RNLS: variants seen among roughly 807,000 people sequenced by gnomAD.
RNLS encodes the protein renalase, FAD dependent amine oxidase.
A neutral mutation model predicts 39.8 loss-of-function variants in RNLS; 39 were observed. The observed-to-expected ratio is 0.98, with a 90% CI of 0.76 to 1.28. The LOEUF (loss-of-function observed/expected upper bound fraction) is 1.28, where lower values mean the gene tolerates loss of function less well. Among genes scored for constraint, RNLS ranks in the 50% most tolerant of loss-of-function variants. The pLI, the probability that RNLS is intolerant of heterozygous loss-of-function variation, is 0.00. For missense variants in RNLS, 410 were observed against 413.3 expected (o/e 0.99, Z 0.07); for synonymous variants, 147 against 150.7 (o/e 0.98, Z 0.18).
intron 3 of RNLS, among the ~76,000 whole-genome samples, chr10:88,575,996 G>A (rs1474974627): frequency 6.6e-6 from 1 of 152,046 alleles, no homozygotes; most frequent in Non-Finnish European, 1.5e-5. Flanking sequence ...CCACTGCATT[G>A]AACTCTCATC....
At chr10:88,362,202 C>CCAAA (rs1372001592) in intron 5 of RNLS, among the ~76,000 whole-genome samples, 4 of 151,816 alleles carry the variant, frequency 2.6e-5, no homozygotes, top group African/African-American at 4.8e-5. Flanking sequence ...AATACCCAAA[C>CCAAA]CAAACAAACA....
At chr10:88,407,711 A>G (rs1017703501) in intron 4 of RNLS, among the ~76,000 whole-genome samples, 3 of 152,060 alleles carry the variant, frequency 2.0e-5, no homozygotes, top group Non-Finnish European at 4.4e-5. Context: ...GGCCTAACCT[A>G]GGGAATCACA....
Position 88,517,578 on chromosome 10 carries a change from T to C in RNLS, c.526+55325A>G, listed in dbSNP as rs535630936. Among the ~76,000 whole-genome samples, 4 of 152,026 alleles carry C rather than the reference T, an allele frequency of 2.6e-5. No individual in the cohort carries two copies. The South Asian group carries it at 8.3e-4, about 31-fold the overall frequency. Reference sequence around the variant, plus strand: ...TTTTACATAAATACATAACGGTTGATAAATTTTAAAAAGTGACTTCCATGA... The same window carrying C: ...TTTTACATAAATACATAACGGTTGACAAATTTTAAAAAGTGACTTCCATGA... On this transcript the variant is annotated intron_variant, in intron 4 of 6. Coordinates refer to ENST00000331772, the MANE Select transcript of RNLS (RefSeq NM_001031709.3).
rs1486571571 is a variant in RNLS at position 88,396,525 on chromosome 10, T to C, written c.527-33800A>G. 2.0e-5 allele frequency among the ~76,000 whole-genome samples: 3 copies of C among 151,360 alleles called. No homozygotes were observed. In the East Asian group the frequency reaches 5.8e-4, roughly 29 times the overall value. On this transcript the variant is annotated intron_variant, in intron 4 of 6. Coordinates refer to ENST00000331772, the MANE Select transcript of RNLS (RefSeq NM_001031709.3). ...TGACAAGAAAATTAAAATGATACAC[T>C]AGAAGAATTCTACTTAATACCAAAG...
At chr10:88,500,033 C>T (rs1169588329) in intron 4 of RNLS, among the ~76,000 whole-genome samples, 3 of 152,132 alleles carry the variant, frequency 2.0e-5, no homozygotes, top group Non-Finnish European at 2.9e-5. Flanking sequence ...TGTAAGTAGC[C>T]TTTACAGTCA....
intron 4 of RNLS, among the ~76,000 whole-genome samples, chr10:88,545,786 G>C (rs1160856345): frequency 6.6e-6 from 1 of 152,110 alleles, no homozygotes; most frequent in Non-Finnish European, 1.5e-5. Flanking sequence ...TTTTTCATTG[G>C]TTTCTGCCAT....
chr10:88,308,178 G>C (rs1163778722), intron 6 of RNLS, among the ~76,000 whole-genome samples: 3 of 152,146 alleles, frequency 2.0e-5, no homozygotes, highest in Non-Finnish European at 4.4e-5. Context: ...AAACACCCTG[G>C]AAGACAACCT....
At chr10:88,465,048 A>G (rs1371148754) in intron 4 of RNLS, among the ~76,000 whole-genome samples, 1 of 152,118 alleles carries the variant, frequency 6.6e-6, no homozygotes, top group Non-Finnish European at 1.5e-5. Flanking sequence ...GGCAGTGCTC[A>G]CGATATAGGC....
At chr10:88,544,719 C>T (rs922799079) in intron 4 of RNLS, among the ~76,000 whole-genome samples, 1 of 152,006 alleles carries the variant, frequency 6.6e-6, no homozygotes, top group Non-Finnish European at 1.5e-5. Flanking sequence ...AATATGGGTA[C>T]CTGAATGGTA....
At chr10:88,229,191 A>G in the RNLS span, among the ~76,000 whole-genome samples, 1 of 152,258 alleles carries the variant, frequency 6.6e-6, no homozygotes, top group Non-Finnish European at 1.5e-5. Context: ...TGTATCTGTT[A>G]GAATACCTGG....
chr10:88,255,465 G>T, the RNLS span, among the ~76,000 whole-genome samples: 2 of 152,172 alleles, frequency 1.3e-5, no homozygotes, highest in Non-Finnish European at 2.9e-5. Flanking sequence ...GCACACACAG[G>T]CTGCCTTGGG....
intron 4 of RNLS, among the ~76,000 whole-genome samples, chr10:88,390,491 C>T (rs544402384): frequency 2.6e-5 from 4 of 152,254 alleles, no homozygotes; most frequent in South Asian, 4.1e-4. Flanking sequence ...ACTCAAACTT[C>T]CTGAAAGGTG....
the RNLS span, among the ~76,000 whole-genome samples, chr10:88,199,618 T>C: frequency 6.6e-6 from 1 of 152,278 alleles, no homozygotes; most frequent in East Asian, 1.9e-4. Flanking sequence ...TCAATGCCAG[T>C]GCAGGACGAA....
At chr10:88,293,586 A>C (rs2132900138) in intron 6 of RNLS, among the ~76,000 whole-genome samples, 1 of 152,286 alleles carries the variant, frequency 6.6e-6, no homozygotes, top group East Asian at 1.9e-4. Flanking sequence ...TCTTTTGTTT[A>C]AATTCTTGTA....
intron 4 of RNLS, among the ~76,000 whole-genome samples, chr10:88,489,006 T>A (rs191606581): frequency 6.6e-6 from 1 of 152,214 alleles, no homozygotes; most frequent in African/African-American, 2.4e-5. Flanking sequence ...TTATCTGTAA[T>A]AAGACACACT....
chr10:88,451,439 A>G (rs187523033), intron 4 of RNLS, among the ~76,000 whole-genome samples: 61 of 152,310 alleles, frequency 4.0e-4, no homozygotes, highest in Non-Finnish European at 7.4e-4. Flanking sequence ...AGGGACTGGA[A>G]CATAAGGAAC....
At chr10:88,449,543 A>G (rs1222652369) in intron 4 of RNLS, among the ~76,000 whole-genome samples, 3 of 152,228 alleles carry the variant, frequency 2.0e-5, no homozygotes, top group Non-Finnish European at 4.4e-5. Flanking sequence ...AATTTTTATT[A>G]ACTCATGAAC....
intron 5 of RNLS, among the ~76,000 whole-genome samples, chr10:88,322,789 T>G (rs1399978502): frequency 6.6e-6 from 1 of 152,108 alleles, no homozygotes; most frequent in South Asian, 2.1e-4. Context: ...GTCAGAGCAA[T>G]TAGGTGTGAA....
chr10:88,395,638 G>C (rs1214281822), intron 4 of RNLS, among the ~76,000 whole-genome samples: 1 of 151,860 alleles, frequency 6.6e-6, no homozygotes. Flanking sequence ...ATGCACAGTG[G>C]GAGTCACAGG....
Sources: gnomAD v4.1 joint callset for allele counts (sites outside exome capture counted in the v4.1 genomes callset) on GRCh38, gnomAD v4.1.1 for gene constraint, MANE v1.5 for transcripts, NCBI Gene and HGNC (gene_info 2026-07-23, HGNC 2026-07-21) for gene names.